NALCN: variants seen among roughly 807,000 people sequenced by gnomAD.
The protein encoded by NALCN is sodium leak channel, non-selective.
In NALCN, 111 loss-of-function variants were observed where a neutral mutation model predicts 225.3. That is an observed-to-expected ratio of 0.49 (90% confidence interval 0.42 to 0.58). The LOEUF (loss-of-function observed/expected upper bound fraction) is 0.58, where lower values mean the gene tolerates loss of function less well. Ranked by LOEUF, NALCN falls within the 20% of genes least tolerant of loss-of-function variation. The probability of loss-of-function intolerance (pLI) is 0.00; values close to 1 mark genes in which losing one functional copy is unlikely to be tolerated. For missense variants in NALCN, 1,378 were observed against 2,202.4 expected (o/e 0.63, Z 7.49); for synonymous variants, 764 against 769.0 (o/e 0.99, Z 0.11).
intron 14 of NALCN, among the ~76,000 whole-genome samples, chr13:101,178,592 G>C (rs945082890): frequency 3.9e-5 from 6 of 152,174 alleles, no homozygotes; most frequent in African/African-American, 1.4e-4. Context: ...CTTCTCCGTA[G>C]AGGGTGGGAG....
intron 13 of NALCN, among the ~76,000 whole-genome samples, chr13:101,211,512 C>G (rs1462436895): frequency 6.6e-6 from 1 of 151,508 alleles, no homozygotes; most frequent in Non-Finnish European, 1.5e-5. Context: ...ATCATTTCAT[C>G]ATTATGCCAC....
At position 101,256,658 on chromosome 13, in the gene NALCN, T is replaced by C. The variant is rs551094733; in HGVS notation, c.1266+1785A>G. Among the ~76,000 whole-genome samples, 9 of 152,254 alleles carry C rather than the reference T, an allele frequency of 5.9e-5. No homozygotes were observed. In the East Asian group the frequency reaches 1.5e-3, roughly 26 times the overall value. On this transcript the variant is annotated intron_variant, in intron 11 of 43. Coordinates refer to ENST00000251127, the MANE Select transcript of NALCN (RefSeq NM_052867.4). ...CTGGCTGGATGCAGACCTTGCTTCC[T>C]ACTTCCTGGGAAAAACAGAAATAAC...
chr13:101,292,398 C>T lies in NALCN; in HGVS notation c.800-32G>A. Reference sequence around the variant, plus strand: ...TGACAGAGGAGGACAGACTGAGTCACAGCTGACTTTTGAAATAAGAAAGCA... The same window carrying T: ...TGACAGAGGAGGACAGACTGAGTCATAGCTGACTTTTGAAATAAGAAAGCA... On this transcript the variant is annotated intron_variant, in intron 7 of 43. Coordinates refer to ENST00000251127, the MANE Select transcript of NALCN (RefSeq NM_052867.4). The surrounding 1 kb of genome is among the most constrained non-coding windows in gnomAD (Gnocchi z 4.3). 1.3e-6 allele frequency: 2 copies of T among 1,566,282 alleles called. No homozygotes were observed. The highest frequency in any genetic ancestry group is 1.7e-6 in the Non-Finnish European group (2 of 1,155,522).
chr13:101,248,157 T>C (rs149754695), intron 11 of NALCN, among the ~76,000 whole-genome samples: 2,117 of 152,252 alleles, frequency 0.014, 35 homozygotes, highest in African/African-American at 0.048. Flanking sequence ...AATAGAATGA[T>C]TTATATTCCA....
intron 15 of NALCN, among the ~76,000 whole-genome samples, chr13:101,145,250 C>T (rs2139798156): frequency 6.6e-6 from 1 of 152,240 alleles, no homozygotes; most frequent in South Asian, 2.1e-4. Flanking sequence ...TTTGTTTACA[C>T]ATGCCTAACG....
intron 1 of NALCN, among the ~76,000 whole-genome samples, chr13:101,412,709 T>C (rs968870230): frequency 1.3e-5 from 2 of 152,252 alleles, no homozygotes; most frequent in African/African-American, 4.8e-5. Flanking sequence ...GTTCCATCTA[T>C]ACTGAATCTA....
intron 38 of NALCN, among the ~76,000 whole-genome samples, chr13:101,068,350 T>C (rs2032591363): frequency 1.3e-5 from 2 of 152,142 alleles, no homozygotes; most frequent in African/African-American, 4.8e-5. Flanking sequence ...GAGTTCTGGG[T>C]GGGCCCACAT....
intron 35 of NALCN, 41 bp downstream of exon 35, chr13:101,075,832 A>T (rs754408965): frequency 6.5e-7 from 1 of 1,532,838 alleles, no homozygotes; most frequent in African/African-American, 1.4e-5. Context: ...TCATTAACAC[A>T]TATATGACCT....
chr13:101,162,255 T>C (rs2038223465), intron 15 of NALCN, among the ~76,000 whole-genome samples: 1 of 152,168 alleles, frequency 6.6e-6, no homozygotes, highest in South Asian at 2.1e-4. Flanking sequence ...TACATCCAAC[T>C]CCCCTATTAG....
chr13:101,346,085 C>CTATATATATA (rs1164298684), intron 6 of NALCN, among the ~76,000 whole-genome samples: 4 of 80,382 alleles, frequency 5.0e-5, no homozygotes, highest in African/African-American at 1.5e-4. Context: ...CTCTCTCTCT[C>CTATATATATA]TCTATATATA....
intron 7 of NALCN, among the ~76,000 whole-genome samples, chr13:101,338,487 T>C (rs528136797): frequency 9.9e-5 from 15 of 152,240 alleles, no homozygotes; most frequent in Non-Finnish European, 2.1e-4. Flanking sequence ...CTGAACATTT[T>C]TTATTTTTTA....
chr13:101,067,924 T>C lies in NALCN; in HGVS notation c.4440A>G (p.Lys1480=), dbSNP rs748780350. 1 of 1,608,620 alleles carries C rather than the reference T, an allele frequency of 6.2e-7. No individual in the cohort carries two copies. The highest frequency in any genetic ancestry group is 8.5e-7 in the Non-Finnish European group (1 of 1,175,994). The change falls in exon 39 of 44, where the codon AAA becomes AAG. Residue 1480 remains lysine (K), a synonymous_variant. Transcript: ENST00000251127. ...FQIIWNMVDD[K]REGVIPTFRV... ...CAACAACCCACTCCCATACCTCTCT[T>C]TTATCATCCACCATGTTCCATATTA...
chr13:101,194,775 G>A (rs535768707), intron 13 of NALCN, among the ~76,000 whole-genome samples: 3 of 152,258 alleles, frequency 2.0e-5, no homozygotes, highest in East Asian at 1.9e-4. Context: ...AGGCCAAGGC[G>A]GGCAGATCAC....
At position 101,166,708 on chromosome 13, in the gene NALCN, C is replaced by T. The variant is rs140937266; in HGVS notation, c.1839+9592G>A. Among the ~76,000 whole-genome samples, 822 of 152,238 alleles carry T rather than the reference C, an allele frequency of 5.4e-3. 26 individuals are homozygous for T. The highest frequency in any genetic ancestry group is 0.047 in the Admixed American group (719 of 15,292). On this transcript the variant is annotated intron_variant, in intron 15 of 43. Transcript: ENST00000251127. ...TGGCTTTTCACTCTATTGATTGTTT[C>T]CTTTGACGTGCAAGTGTTTTTAAGT...
intron 40 of NALCN, among the ~76,000 whole-genome samples, chr13:101,063,768 A>C (rs1271911114): frequency 2.0e-5 from 3 of 151,072 alleles, no homozygotes; most frequent in Admixed American, 6.6e-5. Flanking sequence ...ATTTCTGTAC[A>C]CCTGAGTTCT....
intron 7 of NALCN, among the ~76,000 whole-genome samples, chr13:101,293,113 A>G (rs969413043): frequency 1.3e-5 from 2 of 152,196 alleles, no homozygotes; most frequent in African/African-American, 4.8e-5. Context: ...AAAGCATATA[A>G]AGATAAAGTG....
At chr13:101,364,580 AG>A (rs1185889149) in intron 6 of NALCN, among the ~76,000 whole-genome samples, 2 of 152,164 alleles carry the variant, frequency 1.3e-5, no homozygotes, top group Non-Finnish European at 2.9e-5. Context: ...GAGAAGGGGA[AG>A]GGTAAAGCCC....
chr13:101,071,982 A>G (rs1158328672), intron 37 of NALCN, among the ~76,000 whole-genome samples: 5 of 152,168 alleles, frequency 3.3e-5, no homozygotes, highest in Non-Finnish European at 7.3e-5. Context: ...AAAAGAGAGA[A>G]GAGTTGGAGA....
intron 10 of NALCN, among the ~76,000 whole-genome samples, chr13:101,262,570 C>T (rs573274463): frequency 2.0e-5 from 3 of 152,232 alleles, no homozygotes; most frequent in Admixed American, 6.5e-5. Flanking sequence ...CCCTTACTGT[C>T]TGGTCTGACC....
Sources: gnomAD v4.1 joint callset for allele counts (sites outside exome capture counted in the v4.1 genomes callset) on GRCh38, gnomAD v4.1.1 for gene constraint, Gnocchi (gnomAD v3.1) non-coding constraint, MANE v1.5 for transcripts, NCBI Gene and HGNC (gene_info 2026-07-23, HGNC 2026-07-21) for gene names.